ERC2: variants seen among roughly 807,000 people sequenced by gnomAD.
ERC2 encodes the protein ELKS/RAB6-interacting/CAST family member 2, also known as ERC protein 2.
In ERC2, 42 loss-of-function variants were observed where a neutral mutation model predicts 114.8. The observed-to-expected ratio is 0.37, with a 90% CI of 0.29 to 0.47. The LOEUF (loss-of-function observed/expected upper bound fraction) is 0.47, where lower values mean the gene tolerates loss of function less well. Ranked by LOEUF, ERC2 falls within the 20% of genes least tolerant of loss-of-function variation. The pLI, the probability that ERC2 is intolerant of heterozygous loss-of-function variation, is 0.99. For synonymous variants in ERC2, 454 were observed against 425.5 expected (o/e 1.07, Z -0.82); for missense variants, 939 against 1,150.7 (o/e 0.82, Z 2.66).
chr3:55,934,768 C>T (rs1207254240), intron 13 of ERC2, among the ~76,000 whole-genome samples: 1 of 152,094 alleles, frequency 6.6e-6, no homozygotes, highest in East Asian at 1.9e-4. Flanking sequence ...ATAATTTTGG[C>T]AATATGAAGT....
chr3:55,540,599 T>A (rs745398512), intron 17 of ERC2, among the ~76,000 whole-genome samples: 10 of 152,114 alleles, frequency 6.6e-5, no homozygotes, highest in African/African-American at 1.4e-4. Context: ...GATCTTAGTC[T>A]CCCCATCTGT....
intron 6 of ERC2, among the ~76,000 whole-genome samples, chr3:56,110,776 C>A (rs1461785033): frequency 6.6e-6 from 1 of 152,112 alleles, no homozygotes; most frequent in Non-Finnish European, 1.5e-5. Context: ...TGATATGATA[C>A]ATCAATACTG....
chr3:56,267,708 G>A (rs1488951118), intron 3 of ERC2, among the ~76,000 whole-genome samples: 54 of 152,072 alleles, frequency 3.6e-4, no homozygotes, highest in Admixed American at 3.5e-3. Flanking sequence ...GAACCCAGGA[G>A]GCGTAGGTTG....
At chr3:55,898,294 T>C (rs898474216) in intron 13 of ERC2, among the ~76,000 whole-genome samples, 2 of 152,086 alleles carry the variant, frequency 1.3e-5, no homozygotes, top group African/African-American at 4.8e-5. Context: ...TGTAGGGGTA[T>C]ATCTCGAGCA....
intron 2 of ERC2, among the ~76,000 whole-genome samples, chr3:56,341,845 T>A (rs575407411): frequency 3.3e-5 from 5 of 152,142 alleles, no homozygotes; most frequent in Non-Finnish European, 5.9e-5. Context: ...AAGCAGGGCA[T>A]CACCTACCTC....
At chr3:55,954,428 A>C (rs567346665) in intron 12 of ERC2, among the ~76,000 whole-genome samples, 273 of 152,334 alleles carry the variant, frequency 1.8e-3, no homozygotes, top group Non-Finnish European at 2.8e-3. Flanking sequence ...CACTAGAATT[A>C]TCTGTCAAAT....
At chr3:56,138,193 G>A (rs939226119) in intron 6 of ERC2, among the ~76,000 whole-genome samples, 1 of 151,118 alleles carries the variant, frequency 6.6e-6, no homozygotes, top group Admixed American at 6.6e-5. Flanking sequence ...CCGAGTAGCT[G>A]GGACTACAGG....
intron 17 of ERC2, among the ~76,000 whole-genome samples, chr3:55,571,083 G>C (rs1480848849): frequency 7.5e-6 from 1 of 132,810 alleles, no homozygotes; most frequent in Non-Finnish European, 1.6e-5. Flanking sequence ...AGCCGAGATT[G>C]TGCCACTGCA....
intron 14 of ERC2, among the ~76,000 whole-genome samples, chr3:55,851,961 G>T (rs889375773): frequency 2.0e-5 from 3 of 152,176 alleles, no homozygotes; most frequent in African/African-American, 7.2e-5. Context: ...AGCGGCTCAC[G>T]CCTGTTACCC....
chr3:56,389,721 A>G (rs1214117567), intron 2 of ERC2, among the ~76,000 whole-genome samples: 4 of 152,050 alleles, frequency 2.6e-5, no homozygotes, highest in Admixed American at 2.6e-4. Flanking sequence ...CAACCCATCT[A>G]CCCTTTGATT....
intron 7 of ERC2, among the ~76,000 whole-genome samples, chr3:56,068,371 G>A (rs1472711467): frequency 6.6e-6 from 1 of 151,970 alleles, no homozygotes; most frequent in Non-Finnish European, 1.5e-5. Context: ...ATTTCTGTGG[G>A]GTCAGTGGTG....
chr3:55,675,903 C>CTTTTTTTTTTTTTTTTTTTTTTTTTTT lies in ERC2; in HGVS notation c.*39+7864_*39+7890dup, dbSNP rs869296098. Among the ~76,000 whole-genome samples the CTTTTTTTTTTTTTTTTTTTTTTTTTTT allele has an allele frequency of 2.5e-3, 119 of 47,998 alleles. 24 individuals carry two copies. Among genetic ancestry groups the CTTTTTTTTTTTTTTTTTTTTTTTTTTT allele is most frequent in the South Asian group, 7.8e-3 (6 of 770 alleles). 31.5% of individuals were successfully genotyped at this position (47,998 alleles called of 152,430 possible). A position where few individuals can be genotyped will look rare whatever the true frequency, so the allele number is the denominator to read the frequency against. ...TTCCATCTTTCTTTCTCTTTTCTTT[C>CTTTTTTTTTTTTTTTTTTTTTTTTTTT]TTTTTTTTTTTTTTTTTTTTTTTTT... is the stretch of plus-strand genomic sequence containing the variant. On this transcript the variant is annotated intron_variant, in intron 17 of 17. Transcript: ENST00000288221.
At chr3:56,331,482 A>T (rs527884154) in intron 2 of ERC2, among the ~76,000 whole-genome samples, 123 of 152,328 alleles carry the variant, frequency 8.1e-4, no homozygotes, top group African/African-American at 2.9e-3. Flanking sequence ...TGACCATTTT[A>T]ACAAGTGTCA....
intron 11 of ERC2, among the ~76,000 whole-genome samples, chr3:55,989,993 G>A (rs191915739): frequency 1.3e-5 from 2 of 152,104 alleles, no homozygotes; most frequent in Non-Finnish European, 2.9e-5. Flanking sequence ...CCAATCTCAG[G>A]AAGGTCATTT....
chr3:56,105,010 G>A (rs1014373827), intron 6 of ERC2, among the ~76,000 whole-genome samples: 15 of 152,088 alleles, frequency 9.9e-5, no homozygotes, highest in Non-Finnish European at 1.9e-4. Context: ...TGACATTAGA[G>A]GGAGAGGACT....
intron 14 of ERC2, among the ~76,000 whole-genome samples, chr3:55,869,771 C>G (rs2062491729): frequency 6.6e-6 from 1 of 152,144 alleles, no homozygotes; most frequent in Non-Finnish European, 1.5e-5. Flanking sequence ...GGGCCAGATG[C>G]AGCACCCTCC....
intron 7 of ERC2, among the ~76,000 whole-genome samples, chr3:56,023,423 C>T (rs980337763): frequency 6.6e-5 from 10 of 152,112 alleles, no homozygotes; most frequent in South Asian, 2.1e-4. Context: ...TTCCCTAGCA[C>T]GAGGATCTCC....
intron 2 of ERC2, among the ~76,000 whole-genome samples, chr3:56,370,386 T>C (rs997626991): frequency 2.0e-5 from 3 of 152,146 alleles, no homozygotes; most frequent in Non-Finnish European, 4.4e-5. Flanking sequence ...GGCATGTGTG[T>C]CATTGCTAAT....
At chr3:55,661,066 C>T (rs530454380) in intron 17 of ERC2, among the ~76,000 whole-genome samples, 4 of 152,332 alleles carry the variant, frequency 2.6e-5, no homozygotes, top group South Asian at 2.1e-4. Flanking sequence ...AAGTCTCACA[C>T]ACAGATGTTG....
Sources: allele counts gnomAD v4.1 joint callset (sites outside exome capture counted in the v4.1 genomes callset), GRCh38; gene constraint gnomAD v4.1.1; transcripts MANE v1.5; gene names NCBI Gene and HGNC (gene_info 2026-07-23, HGNC 2026-07-21).